CUL4A: variants seen among roughly 807,000 people sequenced by gnomAD.
The protein encoded by CUL4A is cullin-4A.
A neutral mutation model predicts 95.5 loss-of-function variants in CUL4A; 16 were observed. That is an observed-to-expected ratio of 0.17 (90% CI 0.11 to 0.25). The LOEUF (loss-of-function observed/expected upper bound fraction) is 0.25, where lower values mean the gene tolerates loss of function less well. Among genes scored for constraint, CUL4A ranks in the 10% least tolerant of loss-of-function variants. CUL4A has a pLI of 1.00. For synonymous variants in CUL4A, 380 were observed against 353.1 expected (o/e 1.08, Z -0.85); for missense variants, 610 against 937.0 (o/e 0.65, Z 4.56).
chr13:113,244,698 A>T (rs1475249031), intron 12 of CUL4A, among the ~76,000 whole-genome samples, 184 bp downstream of exon 12: 1 of 152,118 alleles, frequency 6.6e-6, no homozygotes, highest in Non-Finnish European at 1.5e-5. Context: ...AACATTAGCC[A>T]GGCGTGGTGG....
chr13:113,241,876 G>T (rs955475235), intron 10 of CUL4A, among the ~76,000 whole-genome samples: 6 of 152,094 alleles, frequency 3.9e-5, no homozygotes, highest in Non-Finnish European at 8.8e-5. Flanking sequence ...GAGTGCACAT[G>T]TGCATTCTAT....
intron 5 of CUL4A, among the ~76,000 whole-genome samples, chr13:113,232,032 ACTG>A (rs1442724966): frequency 8.0e-6 from 1 of 125,476 alleles, no homozygotes; most frequent in African/African-American, 3.3e-5. Flanking sequence ...CACCACCATT[ACTG>A]CTGCCACCAC....
chr13:113,250,916 A>G (rs900944968), intron 15 of CUL4A, among the ~76,000 whole-genome samples: 1 of 152,144 alleles, frequency 6.6e-6, no homozygotes, highest in Non-Finnish European at 1.5e-5. Flanking sequence ...TTTCATAGAA[A>G]GGTGACTCTT....
At chr13:113,260,248 G>A (rs9549719) in intron 18 of CUL4A, among the ~76,000 whole-genome samples, 138,813 of 140,076 alleles carry the variant, frequency 0.99, 68,800 homozygotes, top group East Asian at 1. Context: ...GGTAACATCA[G>A]GTCATTAATA....
intron 8 of CUL4A, among the ~76,000 whole-genome samples, chr13:113,235,804 AC>A (rs1453362131): frequency 3.3e-5 from 5 of 152,068 alleles, no homozygotes; most frequent in African/African-American, 1.2e-4. Context: ...CCCCGTCTCT[AC>A]TAACAATACA....
intron 16 of CUL4A, among the ~76,000 whole-genome samples, chr13:113,253,750 G>A (rs561259158): frequency 1.3e-5 from 2 of 152,170 alleles, no homozygotes; most frequent in Non-Finnish European, 2.9e-5. Context: ...AATGAGAATA[G>A]TGGTTGCAGT....
chr13:113,253,819 A>C (rs1359160296), intron 16 of CUL4A, among the ~76,000 whole-genome samples: 1 of 152,230 alleles, frequency 6.6e-6, no homozygotes, highest in Admixed American at 6.5e-5. Flanking sequence ...CTGATCAATG[A>C]AAGGCGCTTA....
chr13:113,264,343 T>C lies in CUL4A; in HGVS notation c.*761T>C, dbSNP rs1055372873. The stretch of plus-strand genomic sequence containing the variant: ...GTCTGGCAGTCCCTGTTTTTTTGCA[T>C]TGGGGTAACTGCTCTTTGATTTTTT... On this transcript the variant is annotated 3_prime_UTR_variant, in exon 20 of 20. Coordinates refer to ENST00000375440, the MANE Select transcript of CUL4A (RefSeq NM_001008895.4). 1 of 152,156 alleles carries C rather than the reference T, an allele frequency of 6.6e-6. No homozygotes were observed. The allele number at this position is 152,156 out of a possible 1,614,324, so 9.4% of individuals were successfully genotyped here.
At chr13:113,246,149 G>A (rs1481001850) in intron 15 of CUL4A, 86 bp downstream of exon 15, 1 of 1,000,738 alleles carries the variant, frequency 1.0e-6, no homozygotes, top group Non-Finnish European at 1.5e-6. Flanking sequence ...TTGTTGAATG[G>A]GGAGTTTTTA....
intron 9 of CUL4A, among the ~76,000 whole-genome samples, chr13:113,237,614 G>A (rs1455627302): frequency 2.2e-4 from 33 of 152,122 alleles, no homozygotes; most frequent in Admixed American, 2.2e-3. Context: ...TAACACTTTA[G>A]TACTTACTGG....
chr13:113,258,750 G>A (rs1227444396), intron 18 of CUL4A, among the ~76,000 whole-genome samples: 1 of 152,198 alleles, frequency 6.6e-6, no homozygotes, highest in Non-Finnish European at 1.5e-5. Flanking sequence ...TTAGGATAGA[G>A]AAGTGCAGGA....
chr13:113,233,435 A>C, intron 6 of CUL4A, 96 bp downstream of exon 6: 1 of 1,230,446 alleles, frequency 8.1e-7, no homozygotes, highest in South Asian at 1.4e-5. Context: ...ATGAAATCAT[A>C]AAGGCATTTG....
intron 18 of CUL4A, among the ~76,000 whole-genome samples, chr13:113,258,902 A>G (rs954359503): frequency 6.6e-6 from 1 of 152,244 alleles, no homozygotes; most frequent in African/African-American, 2.4e-5. Context: ...AGGGAGCCAC[A>G]GCTGGACCCT....
intron 3 of CUL4A, among the ~76,000 whole-genome samples, chr13:113,222,697 G>T (rs1006243250): frequency 6.6e-6 from 1 of 152,208 alleles, no homozygotes; most frequent in Non-Finnish European, 1.5e-5. Context: ...ATTTTGGGAG[G>T]CCAAGTTGGG....
At chr13:113,262,873 G>A (rs2042321565) in intron 19 of CUL4A, 1 of 122,170 alleles carries the variant, frequency 8.2e-6, no homozygotes, top group African/African-American at 3.2e-5. Flanking sequence ...TCGCTTATAC[G>A]TGCCCTTGCT....
chr13:113,228,777 C>T (rs572263006), intron 4 of CUL4A, among the ~76,000 whole-genome samples: 4 of 151,970 alleles, frequency 2.6e-5, no homozygotes, highest in Non-Finnish European at 5.9e-5. Flanking sequence ...GTTTTAAAAG[C>T]TAAGTGCATC....
At chr13:113,218,817 T>A (rs958574596) in intron 2 of CUL4A, 128 bp from the exon 3 acceptor site, 1 of 603,496 alleles carries the variant, frequency 1.7e-6, no homozygotes, top group Non-Finnish European at 2.9e-6. Flanking sequence ...ATTTGTAGAT[T>A]CCTGAAGTAC....
intron 10 of CUL4A, among the ~76,000 whole-genome samples, chr13:113,242,216 G>T (rs959616881): frequency 6.6e-6 from 1 of 151,338 alleles, no homozygotes; most frequent in South Asian, 2.1e-4. Flanking sequence ...AGTGAGCCGA[G>T]ATCACGCCAC....
chr13:113,245,494 G>A (rs2041832577), intron 14 of CUL4A, among the ~76,000 whole-genome samples: 1 of 152,182 alleles, frequency 6.6e-6, no homozygotes, highest in African/African-American at 2.4e-5. Flanking sequence ...AGGCTGCAGT[G>A]AGCCGTGACT....
Sources: gnomAD v4.1 joint callset for allele counts (sites outside exome capture counted in the v4.1 genomes callset) on GRCh38, gnomAD v4.1.1 for gene constraint, MANE v1.5 for transcripts, NCBI Gene and HGNC (gene_info 2026-07-23, HGNC 2026-07-21) for gene names.